Variants in PAFAH1B2 observed in about 807,000 individuals in gnomAD.
PAFAH1B2 encodes platelet-activating factor acetylhydrolase IB subunit alpha2.
PAFAH1B2 carries 8 observed loss-of-function variants against 28.0 expected under a neutral mutation model. That is an observed-to-expected ratio of 0.29 (90% CI 0.17 to 0.52). The LOEUF is 0.52. Among genes scored for constraint, PAFAH1B2 ranks in the 20% least tolerant of loss-of-function variants. The pLI is 0.97. For synonymous variants in PAFAH1B2, 104 were observed against 103.2 expected, an observed-to-expected ratio of 1.01 and a Z score of -0.05; for missense variants, 190 against 282.6, an observed-to-expected ratio of 0.67 and a Z score of 2.35.
In PAFAH1B2 at chr11:117,170,739, G is replaced by A. The variant is rs1349428834; in HGVS notation, c.*3040G>A. 3 of 1,060,054 alleles carry A rather than the reference G, an allele frequency of 2.8e-6. No individual in the cohort carries two copies. Among genetic ancestry groups the A allele is most frequent in the Middle Eastern group, 4.2e-4 (1 of 2,402 alleles). 65.7% of individuals were successfully genotyped at this position (1,060,054 alleles called of 1,614,324 possible). ...ATATTGTCTGTGCTGTGGTGTATGA[G>A]CATTGCCAACTTTATATTTATTGCA... On this transcript the variant is annotated 3_prime_UTR_variant, in exon 6 of 6. Coordinates refer to ENST00000527958, the MANE Select transcript of PAFAH1B2 (RefSeq NM_002572.4).
At chr11:117,164,056 C>T (rs1007896247) in intron 5 of PAFAH1B2, 164 bp downstream of exon 5, 4 of 651,606 alleles carry the variant, frequency 6.1e-6, no homozygotes, top group Middle Eastern at 5.8e-4. Context: ...TTACTGGTTT[C>T]ATCATTCCCC....
chr11:117,169,271 A>G lies in PAFAH1B2; in HGVS notation c.*1572A>G, dbSNP rs1408321291. 4 of 1,039,284 alleles carry G rather than the reference A, an allele frequency of 3.8e-6. No individual in the cohort carries two copies. In the African/African-American group the frequency reaches 6.7e-5, roughly 17 times the overall value. 64.4% of individuals were successfully genotyped at this position (1,039,284 alleles called of 1,614,324 possible). Reference sequence around the variant, plus strand: ...TTCATCTGAGAATTTGTTGATCTTAATGTTCGAGCTATATAAGAACTGCCA... The same window carrying G: ...TTCATCTGAGAATTTGTTGATCTTAGTGTTCGAGCTATATAAGAACTGCCA... On this transcript the variant is annotated 3_prime_UTR_variant, in exon 6 of 6. Coordinates refer to ENST00000527958, the MANE Select transcript of PAFAH1B2 (RefSeq NM_002572.4).
chr11:117,166,860 T>A (rs1956523749), intron 5 of PAFAH1B2, among the ~76,000 whole-genome samples: 1 of 152,164 alleles, frequency 6.6e-6, no homozygotes, highest in African/African-American at 2.4e-5. Context: ...GGAAGACCAA[T>A]CAGGAGGTTT....
chr11:117,167,832 A>T lies in PAFAH1B2; in HGVS notation c.*133A>T. On this transcript the variant is annotated 3_prime_UTR_variant, in exon 6 of 6. Coordinates refer to ENST00000527958, the MANE Select transcript of PAFAH1B2 (RefSeq NM_002572.4). ...CTGGATGTTCATATCTAGTGTTTGAAGGGGAGGAGGGATTTAAACTGGTCC... is the reference window on the plus strand; with the variant it reads ...CTGGATGTTCATATCTAGTGTTTGATGGGGAGGAGGGATTTAAACTGGTCC... 6.3e-6 allele frequency: 8 copies of T among 1,279,426 alleles called. No homozygotes were observed. The highest frequency in any genetic ancestry group is 7.9e-6 in the Non-Finnish European group (8 of 1,006,410). 79.3% of individuals were successfully genotyped at this position (1,279,426 alleles called of 1,614,324 possible). A position where few individuals can be genotyped will look rare whatever the true frequency, so the allele number is the denominator to read the frequency against.
At chr11:117,164,010 CTTTCGTTGACCTCTTCT>C in intron 5 of PAFAH1B2, 118 bp downstream of exon 5, 1 of 1,018,126 alleles carries the variant, frequency 9.8e-7, no homozygotes, top group Non-Finnish European at 1.5e-6. Flanking sequence ...GTTTATCATA[CTTTCGTTGACCTCTTCT>C]TTAATGTATT....
chr11:117,161,309 G>A (rs765488356), intron 4 of PAFAH1B2, 48 bp downstream of exon 4: 20 of 1,205,530 alleles, frequency 1.7e-5, no homozygotes, highest in Non-Finnish European at 2.3e-5. Flanking sequence ...AGTCTGTTTT[G>A]GATAGTTAAA....
Position 117,170,937 on chromosome 11 carries a change from G to A in PAFAH1B2, c.*3238G>A. ...GGGGATCACTGCTGCTAGCTGACTGGACCTCCCCATTGGAAGTTTGTGATT... is the reference window on the plus strand; with the variant it reads ...GGGGATCACTGCTGCTAGCTGACTGAACCTCCCCATTGGAAGTTTGTGATT... On this transcript the variant is annotated 3_prime_UTR_variant, in exon 6 of 6. Transcript: ENST00000527958. 9.5e-7 allele frequency: 1 copy of A among 1,057,528 alleles called. No homozygotes were observed. Among genetic ancestry groups the A allele is most frequent in the Non-Finnish European group, 1.1e-6 (1 of 874,352 alleles). 65.5% of individuals were successfully genotyped at this position (1,057,528 alleles called of 1,614,324 possible). A position where few individuals can be genotyped will look rare whatever the true frequency, so the allele number is the denominator to read the frequency against.
downstream of PAFAH1B2, chr11:117,175,049 G>T: frequency 7.5e-7 from 1 of 1,327,642 alleles, no homozygotes; most frequent in Non-Finnish European, 9.6e-7. Context: ...TCAGCTGTGT[G>T]TTGAATGGTC....
At chr11:117,154,305 G>T (rs141355177) in intron 2 of PAFAH1B2, among the ~76,000 whole-genome samples, 2 of 152,226 alleles carry the variant, frequency 1.3e-5, no homozygotes, top group African/African-American at 2.4e-5. Flanking sequence ...GAAAGGAAAA[G>T]AAAAGAAAAG....
intron 4 of PAFAH1B2, 53 bp from the exon 5 acceptor site, chr11:117,163,717 C>G (rs1956431268): frequency 6.4e-7 from 1 of 1,564,194 alleles, no homozygotes; most frequent in Non-Finnish European, 8.7e-7. Flanking sequence ...TTGGACGTTC[C>G]TTTGTTCCTG....
chr11:117,176,256 T>C (rs895374813), exon 6 of PAFAH1B2: 2 of 414,230 alleles, frequency 4.8e-6, no homozygotes, highest in African/African-American at 4.0e-5. Context: ...TGCAGCTTGC[T>C]TCTGGTCTTC....
At chr11:117,171,922 C>T (rs1470208523), downstream of PAFAH1B2, among the ~76,000 whole-genome samples, 2 of 152,060 alleles carry the variant, frequency 1.3e-5, no homozygotes, top group Non-Finnish European at 2.9e-5. Context: ...AGCTGCCCTT[C>T]CCCCCTCCCC....
intron 1 of PAFAH1B2, among the ~76,000 whole-genome samples, chr11:117,150,989 GA>G (rs373735449): frequency 6.0e-3 from 589 of 98,142 alleles, no homozygotes; most frequent in Non-Finnish European, 8.0e-3. Context: ...CTCCATCTCA[GA>G]AAAAAAAAAA....
chr11:117,176,407 T>C, exon 6 of PAFAH1B2: 1 of 225,058 alleles, frequency 4.4e-6, no homozygotes, highest in Non-Finnish European at 8.8e-6. Flanking sequence ...TATAACTAAC[T>C]GATCATAAGG....
At chr11:117,158,487 A>G (rs968393895) in intron 2 of PAFAH1B2, among the ~76,000 whole-genome samples, 18 of 152,132 alleles carry the variant, frequency 1.2e-4, no homozygotes, top group African/African-American at 4.3e-4. Context: ...GTTAACAGAT[A>G]TTTTCAAAGT....
At chr11:117,163,924 T>C (rs1565271300) in intron 5 of PAFAH1B2, 32 bp downstream of exon 5, 4 of 1,607,076 alleles carry the variant, frequency 2.5e-6, no homozygotes, top group Non-Finnish European at 3.4e-6. Flanking sequence ...GAGAGTTTGT[T>C]ATCTTTAGGT....
chr11:117,175,823 C>G (rs1447318582), downstream of PAFAH1B2: 1 of 1,330,462 alleles, frequency 7.5e-7, no homozygotes, highest in African/African-American at 1.4e-5. Flanking sequence ...TCCAGCTACT[C>G]GAGAGGCTGT....
chr11:117,147,180 A>G (rs967751005), intron 1 of PAFAH1B2, among the ~76,000 whole-genome samples: 1 of 152,144 alleles, frequency 6.6e-6, no homozygotes, highest in African/African-American at 2.4e-5. Flanking sequence ...AGACGGGAGA[A>G]TTGCTTGAAC....
At chr11:117,154,000 G>A (rs1463638603) in intron 2 of PAFAH1B2, among the ~76,000 whole-genome samples, 1 of 151,424 alleles carries the variant, frequency 6.6e-6, no homozygotes, top group African/African-American at 2.4e-5. Context: ...GGAGGCCAGG[G>A]CAGGTTGGGA....
Sources: gnomAD v4.1 joint callset for allele counts (sites outside exome capture counted in the v4.1 genomes callset) on GRCh38, gnomAD v4.1.1 for gene constraint, MANE v1.5 for transcripts, NCBI Gene and HGNC (gene_info 2026-07-23, HGNC 2026-07-21) for gene names.